The following DAPK1 variants were observed in gnomAD, a reference collection of about 807,000 sequenced individuals.
DAPK1 encodes the protein death associated protein kinase 1.
Under a neutral mutation model 144.9 loss-of-function variants are expected in DAPK1, and 56 were observed. That is an observed-to-expected ratio of 0.39 (90% CI 0.31 to 0.48). The LOEUF (loss-of-function observed/expected upper bound fraction) is 0.48, where lower values mean the gene tolerates loss of function less well. Among genes scored for constraint, DAPK1 ranks in the 20% least tolerant of loss-of-function variants. The pLI, the probability that DAPK1 is intolerant of heterozygous loss-of-function variation, is 0.95. For synonymous variants in DAPK1, 690 were observed against 749.0 expected (o/e 0.92, Z 1.29); for missense variants, 1,454 against 1,875.4 (o/e 0.78, Z 4.15).
intron 2 of DAPK1, among the ~76,000 whole-genome samples, chr9:87,552,958 G>A (rs953246182): frequency 3.3e-5 from 5 of 152,016 alleles, no homozygotes; most frequent in African/African-American, 1.2e-4. Flanking sequence ...GAACATTCAC[G>A]TTGTGTTGCA....
intron 2 of DAPK1, among the ~76,000 whole-genome samples, chr9:87,600,572 G>C (rs1287448146): frequency 6.6e-6 from 1 of 151,960 alleles, no homozygotes; most frequent in African/African-American, 2.4e-5. Context: ...CAGCCTGCGC[G>C]GCAGAGCGAG....
intron 18 of DAPK1, among the ~76,000 whole-genome samples, chr9:87,664,377 G>A (rs1830976794): frequency 6.6e-6 from 1 of 152,164 alleles, no homozygotes; most frequent in Admixed American, 6.5e-5. Context: ...GCCCACTTCT[G>A]CCCTGAGGGT....
At chr9:87,693,121 T>C (rs550254023) in intron 21 of DAPK1, among the ~76,000 whole-genome samples, 3 of 151,720 alleles carry the variant, frequency 2.0e-5, no homozygotes, top group South Asian at 4.1e-4. Context: ...TCCAAATCTT[T>C]TGCCAAACCT....
At chr9:87,685,978 G>A (rs1380685375) in intron 20 of DAPK1, among the ~76,000 whole-genome samples, 2 of 152,164 alleles carry the variant, frequency 1.3e-5, no homozygotes, top group Non-Finnish European at 2.9e-5. Context: ...GTGGAGACTC[G>A]CTGCAAGAAC....
chr9:87,638,475 A>G (rs894827373), intron 4 of DAPK1, among the ~76,000 whole-genome samples: 3 of 152,240 alleles, frequency 2.0e-5, no homozygotes, highest in African/African-American at 7.2e-5. Context: ...TCTGTCACCA[A>G]TAATCAAGCA....
At chr9:87,522,790 G>C (rs2118258586) in intron 2 of DAPK1, among the ~76,000 whole-genome samples, 1 of 152,294 alleles carries the variant, frequency 6.6e-6, no homozygotes, top group African/African-American at 2.4e-5. Context: ...CTGTCTCACA[G>C]CTGCTTGATT....
At chr9:87,601,150 T>G (rs921013169) in intron 2 of DAPK1, among the ~76,000 whole-genome samples, 1 of 152,194 alleles carries the variant, frequency 6.6e-6, no homozygotes, top group Non-Finnish European at 1.5e-5. Flanking sequence ...GAGCAGCAAT[T>G]CACCAACAGT....
rs1435065958 is a variant in DAPK1, at chr9:87,530,739, G to T, written c.62+31600G>T. ...GCCGATTTCCCTTTGTGACATTGGG[G>T]TTTCATGTGCTGGAGCCACATGAGG... On this transcript the variant is annotated intron_variant, in intron 2 of 25. Coordinates refer to ENST00000408954, the MANE Select transcript of DAPK1 (RefSeq NM_004938.4). 2.0e-5 allele frequency among the ~76,000 whole-genome samples: 3 copies of T among 152,248 alleles called. No homozygotes were observed. In the East Asian group the frequency reaches 5.8e-4, roughly 29 times the overall value.
chr9:87,622,902 C>T (rs188702515), intron 3 of DAPK1, among the ~76,000 whole-genome samples: 1 of 152,124 alleles, frequency 6.6e-6, no homozygotes, highest in East Asian at 1.9e-4. Flanking sequence ...CAGAGTGAGA[C>T]TCCATCTCTA....
intron 2 of DAPK1, among the ~76,000 whole-genome samples, chr9:87,602,350 G>A (rs1248288408): frequency 6.6e-6 from 1 of 152,164 alleles, no homozygotes; most frequent in African/African-American, 2.4e-5. Flanking sequence ...TGCAGTGTGA[G>A]TGAGGGATCC....
chr9:87,570,506 A>G (rs752681349), intron 2 of DAPK1, among the ~76,000 whole-genome samples: 6 of 152,176 alleles, frequency 3.9e-5, no homozygotes, highest in Non-Finnish European at 7.3e-5. Context: ...GAGCTTTCCC[A>G]TTCTTTTCAT....
intron 3 of DAPK1, among the ~76,000 whole-genome samples, chr9:87,614,121 A>G (rs960525776): frequency 6.6e-6 from 1 of 152,156 alleles, no homozygotes; most frequent in Non-Finnish European, 1.5e-5. Context: ...GTCTTCCCCC[A>G]TACTCTCACT....
At chr9:87,670,828 G>A (rs1394961435) in intron 19 of DAPK1, among the ~76,000 whole-genome samples, 1 of 152,180 alleles carries the variant, frequency 6.6e-6, no homozygotes. Context: ...GCTGCAGCAA[G>A]GTGACCTGCA....
chr9:87,599,299 T>A (rs1037182074), intron 2 of DAPK1, among the ~76,000 whole-genome samples: 13 of 152,230 alleles, frequency 8.5e-5, no homozygotes, highest in Non-Finnish European at 1.5e-5. Flanking sequence ...GATGACGATG[T>A]GTATCTCATG....
At chr9:87,640,060 GA>G (rs1425084793) in intron 7 of DAPK1, among the ~76,000 whole-genome samples, 3 of 152,160 alleles carry the variant, frequency 2.0e-5, no homozygotes, top group African/African-American at 4.8e-5. Flanking sequence ...TCACTGCCGA[GA>G]AAACAGGTTT....
chr9:87,505,356 G>C (rs531219320), intron 2 of DAPK1, among the ~76,000 whole-genome samples: 33 of 152,336 alleles, frequency 2.2e-4, no homozygotes, highest in African/African-American at 7.7e-4. Flanking sequence ...ACCCCAGAGA[G>C]CTCAGGGACT....
chr9:87,508,160 C>A (rs1001642380), intron 2 of DAPK1, among the ~76,000 whole-genome samples: 1 of 151,758 alleles, frequency 6.6e-6, no homozygotes, highest in African/African-American at 2.4e-5. Context: ...TACAGGCACC[C>A]GCCACGACGC....
intron 2 of DAPK1, among the ~76,000 whole-genome samples, chr9:87,558,235 A>C (rs946821966): frequency 6.6e-6 from 1 of 152,128 alleles, no homozygotes; most frequent in Non-Finnish European, 1.5e-5. Context: ...ATGTTACTGC[A>C]CAGTGGGTAT....
chr9:87,617,976 G>A (rs1475264179), intron 3 of DAPK1, among the ~76,000 whole-genome samples: 2 of 152,118 alleles, frequency 1.3e-5, no homozygotes, highest in African/African-American at 4.8e-5. Context: ...CTTCCGTGAT[G>A]TCCTGCAGGC....
Sources: gnomAD v4.1 joint callset for allele counts (sites outside exome capture counted in the v4.1 genomes callset) on GRCh38, gnomAD v4.1.1 for gene constraint, MANE v1.5 for transcripts, NCBI Gene and HGNC (gene_info 2026-07-23, HGNC 2026-07-21) for gene names.